Variants in NUP153 observed in about 807,000 individuals in gnomAD.
NUP153 encodes the protein nuclear pore complex protein Nup153.
In NUP153, 27 loss-of-function variants were observed where a neutral mutation model predicts 134.6. The ratio of observed to expected loss-of-function variants is 0.20; its 90% CI spans 0.15 to 0.28. The LOEUF is 0.28. NUP153 is among the 10% of genes least tolerant of loss of function. The probability of loss-of-function intolerance (pLI) is 1.00; values close to 1 mark genes in which losing one functional copy is unlikely to be tolerated. For missense variants in NUP153, 1,821 were observed against 1,731.3 expected (o/e 1.05, Z -0.92); for synonymous variants, 640 against 623.5 (o/e 1.03, Z -0.40).
intron 20 of NUP153, 114 bp from the exon 21 acceptor site, chr6:17,616,809 G>T: frequency 1.0e-6 from 1 of 983,662 alleles, no homozygotes; most frequent in Non-Finnish European, 1.5e-6. Flanking sequence ...GAGTACAGTG[G>T]CACAATCTTG....
intron 5 of NUP153, 47 bp downstream of exon 5, chr6:17,674,857 TA>T (rs749881788): frequency 4.2e-4 from 574 of 1,358,554 alleles, no homozygotes; most frequent in South Asian, 1.0e-3. Context: ...AGTTAAAGTG[TA>T]AAAAAAAAGA....
chr6:17,669,320 T>C lies in NUP153; in HGVS notation c.987A>G (p.Pro329=), dbSNP rs1188579496. The C allele has an allele frequency of 5.0e-6, 8 of 1,610,558 alleles. No individual in the cohort carries two copies. The East Asian group carries it at 1.8e-4, about 36-fold the overall frequency. Residue 329 remains proline, a synonymous_variant, in exon 7 of 22, where the codon CCA becomes CCG. Coordinates refer to ENST00000262077, the MANE Select transcript of NUP153 (RefSeq NM_005124.4). ...SSPLADAKRI[P]SIVSSPLNSP... is the part of the protein sequence containing the mutation. ...AATTCAGAGGAGAAGAAACAATGGATGGAATTCTTTTTGCATCCTGTTAAA... is the reference window on the plus strand; with the variant it reads ...AATTCAGAGGAGAAGAAACAATGGACGGAATTCTTTTTGCATCCTGTTAAA...
chr6:17,694,904 A>G (rs955077597), intron 1 of NUP153, among the ~76,000 whole-genome samples: 4 of 151,098 alleles, frequency 2.6e-5, no homozygotes, highest in Non-Finnish European at 5.9e-5. Context: ...GCTTGAACCC[A>G]GGACGCAGAG....
chr6:17,670,503 A>G (rs562982828), intron 5 of NUP153, among the ~76,000 whole-genome samples: 7 of 152,204 alleles, frequency 4.6e-5, no homozygotes, highest in African/African-American at 9.6e-5. Flanking sequence ...TTACAGGAAT[A>G]ATACCCTTTC....
chr6:17,657,735 A>G (rs1196076699), intron 11 of NUP153, among the ~76,000 whole-genome samples: 1 of 152,204 alleles, frequency 6.6e-6, no homozygotes, highest in Non-Finnish European at 1.5e-5. Context: ...CAGGAAATGT[A>G]AAAACTTGTC....
intron 11 of NUP153, among the ~76,000 whole-genome samples, chr6:17,658,231 G>A (rs1453765223): frequency 4.6e-5 from 7 of 152,026 alleles, no homozygotes; most frequent in Non-Finnish European, 7.4e-5. Context: ...ACCCTGTCTC[G>A]CTAAAAATAC....
At chr6:17,679,543 A>G (rs1376072673) in intron 2 of NUP153, among the ~76,000 whole-genome samples, 1 of 152,224 alleles carries the variant, frequency 6.6e-6, no homozygotes, top group East Asian at 1.9e-4. Flanking sequence ...ATCTCAAGGA[A>G]CCTCAAAATG....
rs372605064 is a variant in NUP153 at position 17,675,287 on chromosome 6, G to T, written c.665C>A (p.Thr222Asn). The T allele has an allele frequency of 6.2e-6, 10 of 1,614,060 alleles. No homozygotes were observed. The highest frequency in any genetic ancestry group is 7.6e-6 in the Non-Finnish European group (9 of 1,180,036). The change falls in exon 4 of 22, where the codon ACT becomes AAT. Residue 222 changes from threonine to asparagine, a missense_variant. Physicochemically the swap from Thr to Asn is moderately conservative, Grantham distance 65. Coordinates refer to ENST00000262077, the MANE Select transcript of NUP153 (RefSeq NM_005124.4). This position sits in a 1 kb window ranked among gnomAD's most constrained non-coding sequence, Gnocchi z 4.4. ...TGCTGGTTTTTTTGAGCTGGTGGCAGTGTGCTGTGAGAGTGAGTGAGAACG... is the reference window on the plus strand; with the variant it reads ...TGCTGGTTTTTTTGAGCTGGTGGCATTGTGCTGTGAGAGTGAGTGAGAACG... ...AERSHSLSQH[T>N]ATSSKKPAFN...
chr6:17,697,515 G>C (rs1406980349), intron 1 of NUP153, among the ~76,000 whole-genome samples: 1 of 152,158 alleles, frequency 6.6e-6, no homozygotes, highest in Non-Finnish European at 1.5e-5. Context: ...GCGAAACCCT[G>C]TCTCCATTAA....
At chr6:17,671,701 A>G (rs1328169044) in intron 5 of NUP153, among the ~76,000 whole-genome samples, 3 of 152,172 alleles carry the variant, frequency 2.0e-5, no homozygotes, top group Non-Finnish European at 4.4e-5. Context: ...ATTGGTCTTT[A>G]GACTCAAATG....
chr6:17,656,457 C>T (rs1454616417), intron 11 of NUP153, among the ~76,000 whole-genome samples: 1 of 151,990 alleles, frequency 6.6e-6, no homozygotes, highest in Non-Finnish European at 1.5e-5. Flanking sequence ...TTTTTAAAGA[C>T]AGAGTCTCCC....
At chr6:17,643,288 A>C (rs764335513) in intron 14 of NUP153, among the ~76,000 whole-genome samples, 1 of 152,214 alleles carries the variant, frequency 6.6e-6, no homozygotes, top group Non-Finnish European at 1.5e-5. Flanking sequence ...GCCTGGCAAC[A>C]TGACGAAACC....
At chr6:17,664,464 C>T (rs1435830307) in intron 9 of NUP153, among the ~76,000 whole-genome samples, 4 of 152,132 alleles carry the variant, frequency 2.6e-5, no homozygotes, top group Admixed American at 6.6e-5. Flanking sequence ...AGTATCTGAA[C>T]CTTGCTCGAG....
intron 14 of NUP153, among the ~76,000 whole-genome samples, chr6:17,642,972 A>G (rs1354806065): frequency 6.6e-6 from 1 of 152,226 alleles, no homozygotes; most frequent in Admixed American, 6.5e-5. Flanking sequence ...GAATAAGTCA[A>G]TCCATAGAGA....
rs369720380 is a variant in NUP153, at chr6:17,616,720, T to C, written c.4175-25A>G. 20 of 1,595,292 alleles carry C rather than the reference T, an allele frequency of 1.3e-5. No individual in the cohort carries two copies. The East Asian group carries it at 4.0e-4, about 32-fold the overall frequency. ...CCTGCAATAGTTAAAGCAGAAATAC[T>C]TCATTAGGGCAAAATGATAGGTTTT... On this transcript the variant is annotated intron_variant, in intron 20 of 21. Transcript: ENST00000262077.
intron 1 of NUP153, among the ~76,000 whole-genome samples, chr6:17,690,261 A>G (rs919352873): frequency 1.9e-5 from 2 of 106,932 alleles, no homozygotes; most frequent in Non-Finnish European, 5.0e-5. Flanking sequence ...CTGAGGCAGG[A>G]GAATGGCGTG....
At chr6:17,624,871 C>T (rs1764850275) in intron 19 of NUP153, 38 bp from the exon 20 acceptor site, 2 of 1,510,026 alleles carry the variant, frequency 1.3e-6, no homozygotes, top group Non-Finnish European at 1.8e-6. Flanking sequence ...ACCATGGTGG[C>T]TAATGTCAGA....
At chr6:17,674,073 T>A (rs1768070696) in intron 5 of NUP153, among the ~76,000 whole-genome samples, 1 of 152,082 alleles carries the variant, frequency 6.6e-6, no homozygotes. Context: ...TAAGCCAGAC[T>A]CAAAAGGTTA....
intron 1 of NUP153, among the ~76,000 whole-genome samples, chr6:17,690,184 C>T (rs1475109091): frequency 6.7e-6 from 1 of 149,668 alleles, no homozygotes; most frequent in Non-Finnish European, 1.5e-5. Context: ...AACCGCGTCT[C>T]TACTAAAAAT....
Sources: allele counts gnomAD v4.1 joint callset (sites outside exome capture counted in the v4.1 genomes callset), GRCh38; gene constraint gnomAD v4.1.1; non-coding constraint Gnocchi (gnomAD v3.1); transcripts MANE v1.5; gene names NCBI Gene and HGNC (gene_info 2026-07-23, HGNC 2026-07-21).